ARHGAP42: variants seen among roughly 807,000 people sequenced by gnomAD.
ARHGAP42 encodes Rho GTPase activating protein 42.
In ARHGAP42, 63 loss-of-function variants were observed where a neutral mutation model predicts 125.0. That is an observed-to-expected ratio of 0.50 (90% CI 0.41 to 0.62). ARHGAP42 has a LOEUF of 0.62. Ranked by LOEUF, ARHGAP42 falls within the 20% of genes least tolerant of loss-of-function variation. The pLI is 0.00. For missense variants in ARHGAP42, 766 were observed against 1,024.2 expected (o/e 0.75, Z 3.44); for synonymous variants, 339 against 351.0 (o/e 0.97, Z 0.38).
intron 3 of ARHGAP42, among the ~76,000 whole-genome samples, chr11:100,854,318 T>C (rs1427204154): frequency 6.6e-6 from 1 of 152,172 alleles, no homozygotes; most frequent in African/African-American, 2.4e-5. Flanking sequence ...GAAAGTTATA[T>C]TAAATTCAAG....
intron 22 of ARHGAP42, among the ~76,000 whole-genome samples, chr11:100,985,541 T>C (rs544618082): frequency 6.6e-6 from 1 of 152,198 alleles, no homozygotes; most frequent in Admixed American, 6.5e-5. Flanking sequence ...ACTTCCAACC[T>C]CTATGCAACC....
rs145465789 is a variant in ARHGAP42 at position 100,792,082 on chromosome 11, G to A, written c.251-3023G>A. On this transcript the variant is annotated intron_variant, in intron 2 of 23. Coordinates refer to ENST00000298815, the MANE Select transcript of ARHGAP42 (RefSeq NM_152432.4). ...CTGTTCTCAGAGGCAATACCCAGGA[G>A]CCAGTGAAATACACCCTGAGGCTGT... Among the ~76,000 whole-genome samples the A allele has an allele frequency of 2.3e-4, 35 of 152,300 alleles. No individual in the cohort carries two copies. The East Asian group carries it at 5.8e-3, about 25-fold the overall frequency.
rs187482748 is a variant in ARHGAP42 at position 100,859,555 on chromosome 11, T to A, written c.314T>A (p.Ile105Asn). 1.4e-5 allele frequency: 22 copies of A among 1,524,528 alleles called. No individual in the cohort carries two copies. The highest frequency in any genetic ancestry group is 1.8e-5 in the Non-Finnish European group (21 of 1,137,614). The allele number at this position is 1,524,528 out of a possible 1,614,324, so 94.4% of individuals were successfully genotyped here. The change falls in exon 4 of 24, where the codon ATC (isoleucine) becomes AAC (asparagine). Residue 105 changes from isoleucine (I) to asparagine (N), a missense_variant and splice_region_variant. Transcript: ENST00000298815. ...IAVEEERRRL[I>N]QNANDVLIAP... ...ATATATGTGCATTTTTTATTTCAGA[T>A]CCAAAACGCTAACGATGTATTAATT...
At chr11:100,789,832 T>C (rs572787927) in intron 2 of ARHGAP42, among the ~76,000 whole-genome samples, 2 of 152,360 alleles carry the variant, frequency 1.3e-5, no homozygotes, top group East Asian at 3.9e-4. Context: ...ACTGAATTTA[T>C]GATCTGTACT....
At chr11:100,885,722 A>G (rs1328409485) in intron 4 of ARHGAP42, among the ~76,000 whole-genome samples, 1 of 152,228 alleles carries the variant, frequency 6.6e-6, no homozygotes, top group Non-Finnish European at 1.5e-5. Context: ...TGGAAGCTAT[A>G]ACTCCCAAGT....
chr11:100,951,558 C>A (rs1028894567), intron 12 of ARHGAP42, among the ~76,000 whole-genome samples: 1 of 152,146 alleles, frequency 6.6e-6, no homozygotes, highest in African/African-American at 2.4e-5. Context: ...AAGACAATTG[C>A]ACCTATATAC....
At chr11:100,878,617 C>T (rs1865878804) in intron 4 of ARHGAP42, among the ~76,000 whole-genome samples, 1 of 152,142 alleles carries the variant, frequency 6.6e-6, no homozygotes. Context: ...CACATTCTCT[C>T]ATTTGAGGTC....
intron 4 of ARHGAP42, among the ~76,000 whole-genome samples, chr11:100,903,878 C>T (rs111394852): frequency 1.3e-5 from 2 of 151,238 alleles, no homozygotes; most frequent in Admixed American, 6.6e-5. Flanking sequence ...ACTTGGAATC[C>T]GATGTTCGAG....
At chr11:100,960,665 C>T (rs1434296686) in intron 13 of ARHGAP42, among the ~76,000 whole-genome samples, 1 of 152,020 alleles carries the variant, frequency 6.6e-6, no homozygotes, top group Non-Finnish European at 1.5e-5. Flanking sequence ...TTTTTATATT[C>T]AAATAATGGT....
chr11:100,943,222 T>C (rs1311521798), intron 9 of ARHGAP42, among the ~76,000 whole-genome samples: 1 of 151,918 alleles, frequency 6.6e-6, no homozygotes, highest in Non-Finnish European at 1.5e-5. Flanking sequence ...CTGATATACA[T>C]GGTAGCAATA....
Position 100,960,912 on chromosome 11 carries a change from T to C in ARHGAP42, c.1226-3T>C. The C allele has an allele frequency of 1.3e-6, 2 of 1,513,906 alleles. No homozygotes were observed. The highest frequency in any genetic ancestry group is 1.3e-5 in the South Asian group (1 of 75,496). The allele number at this position is 1,513,906 out of a possible 1,614,324, so 93.8% of individuals were successfully genotyped here. A position where few individuals can be genotyped will look rare whatever the true frequency, so the allele number is the denominator to read the frequency against. On this transcript the variant is annotated splice_region_variant and splice_polypyrimidine_tract_variant and intron_variant, in intron 13 of 23. Coordinates refer to ENST00000298815, the MANE Select transcript of ARHGAP42 (RefSeq NM_152432.4). ...GTTTTCTTGTGATTTTCCTTCCTAT[T>C]AGGTATCACCATTTTAGGACTCTAC...
chr11:100,758,894 A>T (rs1040764958), intron 1 of ARHGAP42, among the ~76,000 whole-genome samples: 6 of 152,296 alleles, frequency 3.9e-5, no homozygotes, highest in African/African-American at 1.4e-4. Flanking sequence ...CTCACTCTTA[A>T]TATTTTTTTA....
chr11:100,832,481 A>T (rs1417299271), intron 3 of ARHGAP42, among the ~76,000 whole-genome samples: 1 of 152,212 alleles, frequency 6.6e-6, no homozygotes, highest in Non-Finnish European at 1.5e-5. Context: ...CTACTCCTTG[A>T]GATCAAAAGC....
chr11:100,784,959 C>T (rs1387313973), intron 2 of ARHGAP42, among the ~76,000 whole-genome samples: 1 of 152,146 alleles, frequency 6.6e-6, no homozygotes, highest in East Asian at 1.9e-4. Flanking sequence ...AAGAGCTTTG[C>T]ACAGTGCTAG....
intron 1 of ARHGAP42, among the ~76,000 whole-genome samples, chr11:100,714,894 A>G (rs1010899018): frequency 6.6e-6 from 1 of 151,948 alleles, no homozygotes; most frequent in Non-Finnish European, 1.5e-5. Context: ...AAAACAATAC[A>G]AAAATTAGCT....
Position 100,989,363 on chromosome 11 carries a change from T to C in ARHGAP42, c.*562T>C, listed in dbSNP as rs1167636263. 2.7e-6 allele frequency: 1 copy of C among 372,670 alleles called. No homozygotes were observed. The highest frequency in any genetic ancestry group is 3.8e-5 in the East Asian group (1 of 26,206). The allele number at this position is 372,670 out of a possible 1,614,324, so 23.1% of individuals were successfully genotyped here. ...TTTGTTTTCCAAGTAGATGATAATATTCAAAAGCAATAATGTATATGATAT... is the reference window on the plus strand; with the variant it reads ...TTTGTTTTCCAAGTAGATGATAATACTCAAAAGCAATAATGTATATGATAT... On this transcript the variant is annotated 3_prime_UTR_variant, in exon 24 of 24. Coordinates refer to ENST00000298815, the MANE Select transcript of ARHGAP42 (RefSeq NM_152432.4).
intron 3 of ARHGAP42, among the ~76,000 whole-genome samples, chr11:100,844,303 A>G (rs1865011427): frequency 6.6e-6 from 1 of 152,144 alleles, no homozygotes; most frequent in Non-Finnish European, 1.5e-5. Context: ...TCAACTCAAG[A>G]TGTATCTAGG....
At chr11:100,901,954 G>A (rs1475040713) in intron 4 of ARHGAP42, among the ~76,000 whole-genome samples, 1 of 152,200 alleles carries the variant, frequency 6.6e-6, no homozygotes, top group Non-Finnish European at 1.5e-5. Context: ...AGATGAACCA[G>A]GTACCTCAGT....
chr11:100,881,805 G>A (rs1430766929), intron 4 of ARHGAP42, among the ~76,000 whole-genome samples: 1 of 151,862 alleles, frequency 6.6e-6, no homozygotes, highest in Non-Finnish European at 1.5e-5. Context: ...TTGGTTAGGT[G>A]TATTCCTAAG....
Sources: gnomAD v4.1 joint callset for allele counts (sites outside exome capture counted in the v4.1 genomes callset) on GRCh38, gnomAD v4.1.1 for gene constraint, MANE v1.5 for transcripts, NCBI Gene and HGNC (gene_info 2026-07-23, HGNC 2026-07-21) for gene names.